PTPRD: variants seen among roughly 807,000 people sequenced by gnomAD.
PTPRD encodes protein tyrosine phosphatase receptor type D, also known as receptor-type tyrosine-protein phosphatase delta.
In PTPRD, 34 loss-of-function variants were observed where a neutral mutation model predicts 214.5. The ratio of observed to expected loss-of-function variants is 0.16; its 90% CI spans 0.12 to 0.21. The LOEUF is 0.21. Ranked by LOEUF, PTPRD falls within the 10% of genes least tolerant of loss-of-function variation. The pLI, the probability that PTPRD is intolerant of heterozygous loss-of-function variation, is 1.00. For synonymous variants in PTPRD, 1,128 were observed against 845.7 expected, an observed-to-expected ratio of 1.33 and a Z score of -5.79; for missense variants, 2,545 against 2,398.7, an observed-to-expected ratio of 1.06 and a Z score of -1.27.
intron 4 of PTPRD, among the ~76,000 whole-genome samples, chr9:10,015,648 C>T (rs1434675047): frequency 6.6e-6 from 1 of 152,052 alleles, no homozygotes; most frequent in African/African-American, 2.4e-5. Context: ...AAGCCTTTAA[C>T]ACAAAGCCAG....
rs191007526 is a variant in PTPRD at position 9,074,607 on chromosome 9, A to G, written c.-142-55872T>C. 7.6e-3 allele frequency among the ~76,000 whole-genome samples: 1,157 copies of G among 152,192 alleles called. 14 individuals carry two copies. Among genetic ancestry groups the G allele is most frequent in the African/African-American group, 0.026 (1,089 of 41,562 alleles). Reference sequence around the variant, plus strand: ...TCATATTTTATTATATATATAAAAGATGATCAGTGATGTTAAGCACCTTTC... The same window carrying G: ...TCATATTTTATTATATATATAAAAGGTGATCAGTGATGTTAAGCACCTTTC... On this transcript the variant is annotated intron_variant, in intron 10 of 45. Transcript: ENST00000381196.
chr9:8,672,748 T>A (rs548721861), intron 12 of PTPRD, among the ~76,000 whole-genome samples: 78 of 151,082 alleles, frequency 5.2e-4, no homozygotes, highest in African/African-American at 1.8e-3. Context: ...CAACTGATTA[T>A]GAAATTTTTA....
At chr9:8,919,317 TG>T (rs1338783177) in intron 11 of PTPRD, among the ~76,000 whole-genome samples, 1 of 146,222 alleles carries the variant, frequency 6.8e-6, no homozygotes, top group African/African-American at 2.6e-5. Flanking sequence ...CGCTTGAACC[TG>T]GGGGGTGGAG....
chr9:8,571,378 G>A (rs770773976), intron 14 of PTPRD, among the ~76,000 whole-genome samples: 3 of 152,148 alleles, frequency 2.0e-5, no homozygotes, highest in East Asian at 1.9e-4. Flanking sequence ...CTAAATGGCA[G>A]CAAACTAAGT....
intron 2 of PTPRD, among the ~76,000 whole-genome samples, chr9:10,388,793 T>C (rs2097985371): frequency 1.3e-5 from 2 of 151,914 alleles, no homozygotes; most frequent in Non-Finnish European, 2.9e-5. Context: ...GAACCTATTC[T>C]TTAGGAAGTG....
At chr9:8,615,407 A>G (rs1595333315) in intron 14 of PTPRD, among the ~76,000 whole-genome samples, 1 of 152,274 alleles carries the variant, frequency 6.6e-6, no homozygotes, top group East Asian at 1.9e-4. Context: ...TATCGCCACT[A>G]TTTAAACATG....
chr9:8,514,110 T>G (rs1378025083), intron 21 of PTPRD, among the ~76,000 whole-genome samples: 1 of 152,098 alleles, frequency 6.6e-6, no homozygotes, highest in Non-Finnish European at 1.5e-5. Flanking sequence ...GTTGCCCCTC[T>G]GATAATGCTA....
intron 11 of PTPRD, among the ~76,000 whole-genome samples, chr9:8,774,059 T>C (rs1372720310): frequency 2.0e-5 from 3 of 152,272 alleles, no homozygotes; most frequent in Admixed American, 6.5e-5. Flanking sequence ...TGCCCATTAC[T>C]TTGTACCACA....
At chr9:10,269,154 T>C (rs1000357833) in intron 3 of PTPRD, among the ~76,000 whole-genome samples, 5 of 151,978 alleles carry the variant, frequency 3.3e-5, no homozygotes, top group Admixed American at 2.0e-4. Flanking sequence ...CCCCATACCT[T>C]GAACATACCA....
chr9:10,096,063 G>C (rs1338662504), intron 3 of PTPRD, among the ~76,000 whole-genome samples: 2 of 151,476 alleles, frequency 1.3e-5, no homozygotes, highest in Non-Finnish European at 3.0e-5. Context: ...ATATTCAGTA[G>C]GCTTACCGCA....
chr9:9,794,168 T>C (rs990873018), intron 5 of PTPRD, among the ~76,000 whole-genome samples: 2 of 149,276 alleles, frequency 1.3e-5, no homozygotes, highest in African/African-American at 2.5e-5. Flanking sequence ...TGTATATATA[T>C]ATATACATGT....
At chr9:8,889,732 GT>G (rs1417357432) in intron 11 of PTPRD, among the ~76,000 whole-genome samples, 1 of 151,822 alleles carries the variant, frequency 6.6e-6, no homozygotes, top group Admixed American at 6.6e-5. Flanking sequence ...CCATTCCTGA[GT>G]TACTTCACTT....
Position 10,594,704 on chromosome 9 carries a change from G to A in PTPRD, c.-600+17694C>T, listed in dbSNP as rs144143179. On this transcript the variant is annotated intron_variant, in intron 2 of 45. Coordinates refer to ENST00000381196, the MANE Select transcript of PTPRD (RefSeq NM_002839.4). ...TGAGAGACTGCTTCAGAGGTACAAG[G>A]TCACACCCTTGCAACAATTATTCTG... Among the ~76,000 whole-genome samples the A allele has an allele frequency of 2.7e-3, 406 of 151,990 alleles. 5 individuals are homozygous for A. The highest frequency in any genetic ancestry group is 9.3e-3 in the African/African-American group (388 of 41,520).
intron 3 of PTPRD, among the ~76,000 whole-genome samples, chr9:10,266,244 T>G (rs2094047643): frequency 6.6e-6 from 1 of 151,722 alleles, no homozygotes; most frequent in Non-Finnish European, 1.5e-5. Context: ...AACCAAGCAA[T>G]GTAAGGAGTG....
intron 4 of PTPRD, among the ~76,000 whole-genome samples, chr9:9,969,081 G>T (rs189772076): frequency 6.6e-6 from 1 of 152,182 alleles, no homozygotes; most frequent in African/African-American, 2.4e-5. Flanking sequence ...CACAGTCTTT[G>T]GTCCTACGAA....
At chr9:10,580,772 C>T (rs767273108) in intron 2 of PTPRD, among the ~76,000 whole-genome samples, 1 of 152,162 alleles carries the variant, frequency 6.6e-6, no homozygotes, top group Non-Finnish European at 1.5e-5. Flanking sequence ...ATGGGTAGTA[C>T]ACCTAGTCTC....
chr9:9,065,843 T>A (rs1197075825), intron 10 of PTPRD, among the ~76,000 whole-genome samples: 2 of 152,206 alleles, frequency 1.3e-5, no homozygotes, highest in Non-Finnish European at 2.9e-5. Context: ...ATGTAATGTA[T>A]AAATGTAATC....
At chr9:9,188,993 C>CA (rs1327844380) in intron 9 of PTPRD, among the ~76,000 whole-genome samples, 1 of 151,970 alleles carries the variant, frequency 6.6e-6, no homozygotes, top group Non-Finnish European at 1.5e-5. Flanking sequence ...AGAAGCTAGC[C>CA]ATGAAGAACT....
At chr9:9,354,068 T>A (rs1206976560) in intron 9 of PTPRD, among the ~76,000 whole-genome samples, 1 of 151,850 alleles carries the variant, frequency 6.6e-6, no homozygotes, top group Non-Finnish European at 1.5e-5. Context: ...GCCTCCTTCT[T>A]CTATGAAGCC....
Sources: allele counts gnomAD v4.1 joint callset (sites outside exome capture counted in the v4.1 genomes callset), GRCh38; gene constraint gnomAD v4.1.1; transcripts MANE v1.5; gene names NCBI Gene and HGNC (gene_info 2026-07-23, HGNC 2026-07-21).